CDH8: variants seen among roughly 807,000 people sequenced by gnomAD.
The protein encoded by CDH8 is cadherin 8, also known as cadherin-8.
A neutral mutation model predicts 68.1 loss-of-function variants in CDH8; 17 were observed. That is an observed-to-expected ratio of 0.25 (90% CI 0.17 to 0.37). CDH8 has a LOEUF of 0.37. CDH8 is among the 10% of genes least tolerant of loss of function. The probability of loss-of-function intolerance (pLI) is 1.00; values close to 1 mark genes in which losing one functional copy is unlikely to be tolerated. For missense variants in CDH8, 763 were observed against 999.3 expected, an observed-to-expected ratio of 0.76 and a Z score of 3.19; for synonymous variants, 372 against 365.1, an observed-to-expected ratio of 1.02 and a Z score of -0.21.
chr16:61,957,419 CTCTT>C (rs1965005151), intron 2 of CDH8, among the ~76,000 whole-genome samples: 1 of 152,170 alleles, frequency 6.6e-6, no homozygotes. Flanking sequence ...TGGAAACGCT[CTCTT>C]TCTGTCAGAG....
At chr16:61,810,608 T>A (rs1961920487) in intron 7 of CDH8, among the ~76,000 whole-genome samples, 1 of 152,172 alleles carries the variant, frequency 6.6e-6, no homozygotes, top group African/African-American at 2.4e-5. Context: ...ATAACATTAT[T>A]GGCATCCTTG....
At chr16:62,013,565 C>T (rs368941809) in intron 2 of CDH8, among the ~76,000 whole-genome samples, 1 of 152,134 alleles carries the variant, frequency 6.6e-6, no homozygotes, top group African/African-American at 2.4e-5. Context: ...CTGTATCACA[C>T]ATATATTTTA....
At chr16:61,816,513 C>G (rs1191463869) in intron 7 of CDH8, among the ~76,000 whole-genome samples, 1 of 152,126 alleles carries the variant, frequency 6.6e-6, no homozygotes, top group Non-Finnish European at 1.5e-5. Flanking sequence ...CAGAAATCAG[C>G]TGGACAATTC....
intron 3 of CDH8, among the ~76,000 whole-genome samples, chr16:61,889,700 T>C (rs557347254): frequency 6.6e-6 from 1 of 152,336 alleles, no homozygotes; most frequent in South Asian, 2.1e-4. Flanking sequence ...TAACAATTTA[T>C]ACTATGGGTG....
intron 3 of CDH8, among the ~76,000 whole-genome samples, chr16:61,879,651 T>C (rs1375233789): frequency 1.3e-5 from 2 of 152,160 alleles, no homozygotes; most frequent in Non-Finnish European, 2.9e-5. Flanking sequence ...TTTGCCTTTT[T>C]CCTAACTGCA....
intron 2 of CDH8, among the ~76,000 whole-genome samples, chr16:61,957,309 C>T (rs1052336770): frequency 6.6e-6 from 1 of 152,090 alleles, no homozygotes; most frequent in African/African-American, 2.4e-5. Context: ...CTAAGCAAGA[C>T]CACCTACAGT....
chr16:61,778,093 T>C (rs567049399), intron 8 of CDH8, among the ~76,000 whole-genome samples: 1 of 152,176 alleles, frequency 6.6e-6, no homozygotes, highest in Admixed American at 6.5e-5. Flanking sequence ...TTGGGGAGCC[T>C]CTTAACCACC....
At chr16:61,913,518 T>C (rs1964192085) in intron 2 of CDH8, among the ~76,000 whole-genome samples, 1 of 152,162 alleles carries the variant, frequency 6.6e-6, no homozygotes. Context: ...ACACCTATTA[T>C]GCAGATTTGG....
intron 10 of CDH8, among the ~76,000 whole-genome samples, chr16:61,685,599 A>G (rs978916770): frequency 6.6e-6 from 1 of 152,056 alleles, no homozygotes; most frequent in Non-Finnish European, 1.5e-5. Context: ...TATATAAAAT[A>G]GAGATAATAA....
intron 2 of CDH8, among the ~76,000 whole-genome samples, chr16:61,979,833 C>G (rs534147779): frequency 4.6e-5 from 7 of 152,132 alleles, no homozygotes; most frequent in Non-Finnish European, 8.8e-5. Context: ...ACTTATTGGA[C>G]AAATGGAGAT....
chr16:61,770,799 C>T (rs1960757925), intron 8 of CDH8, among the ~76,000 whole-genome samples: 1 of 151,934 alleles, frequency 6.6e-6, no homozygotes, highest in Non-Finnish European at 1.5e-5. Context: ...AAGTTGCCCT[C>T]TCCACTACAG....
intron 8 of CDH8, among the ~76,000 whole-genome samples, chr16:61,744,795 T>C (rs1959972048): frequency 6.6e-6 from 1 of 151,400 alleles, no homozygotes; most frequent in Non-Finnish European, 1.5e-5. Flanking sequence ...TCAAACATTA[T>C]ATCTATAATG....
chr16:61,992,053 T>C (rs546447949), intron 2 of CDH8, among the ~76,000 whole-genome samples: 30 of 129,806 alleles, frequency 2.3e-4, no homozygotes, highest in African/African-American at 8.2e-4. Flanking sequence ...TAAATCTTTG[T>C]GTGTGTGTGT....
At chr16:61,916,000 G>T (rs79019109) in intron 2 of CDH8, among the ~76,000 whole-genome samples, 2 of 152,018 alleles carry the variant, frequency 1.3e-5, no homozygotes, top group Non-Finnish European at 2.9e-5. Context: ...AATACCACCC[G>T]TTAACAAATA....
intron 3 of CDH8, among the ~76,000 whole-genome samples, chr16:61,864,886 T>C (rs1284443046): frequency 1.3e-5 from 2 of 152,206 alleles, no homozygotes; most frequent in Admixed American, 1.3e-4. Flanking sequence ...CCTTCTCTTT[T>C]GTGGGTAATC....
At chr16:61,833,478 T>G (rs1382978237) in intron 4 of CDH8, among the ~76,000 whole-genome samples, 3 of 151,880 alleles carry the variant, frequency 2.0e-5, no homozygotes, top group Non-Finnish European at 2.9e-5. Context: ...ACTTATGCTA[T>G]TTTTAAAATT....
At chr16:61,977,367 ATAT>A (rs779209049) in intron 2 of CDH8, among the ~76,000 whole-genome samples, 50 of 152,148 alleles carry the variant, frequency 3.3e-4, no homozygotes, top group Non-Finnish European at 6.6e-4. Flanking sequence ...TAATAAGGAG[ATAT>A]TATTCAACAT....
intron 4 of CDH8, among the ~76,000 whole-genome samples, chr16:61,851,820 C>T (rs1359270159): frequency 2.6e-5 from 4 of 151,982 alleles, no homozygotes; most frequent in Non-Finnish European, 5.9e-5. Context: ...ATAGAGGAGG[C>T]CTGAACCTGC....
At chr16:61,792,870 C>T (rs150037846) in intron 7 of CDH8, among the ~76,000 whole-genome samples, 3 of 152,074 alleles carry the variant, frequency 2.0e-5, no homozygotes, top group African/African-American at 7.2e-5. Context: ...GCCCTCATAT[C>T]ATTTGTATCA....
Sources: allele counts gnomAD v4.1 joint callset (sites outside exome capture counted in the v4.1 genomes callset), GRCh38; gene constraint gnomAD v4.1.1; transcripts MANE v1.5; gene names NCBI Gene and HGNC (gene_info 2026-07-23, HGNC 2026-07-21).